Variants in GPATCH2 observed in about 807,000 individuals in gnomAD.
GPATCH2 encodes the protein G patch domain-containing protein 2.
GPATCH2 carries 51 observed loss-of-function variants against 58.0 expected under a neutral mutation model. That is an observed-to-expected ratio of 0.88 (90% CI 0.70 to 1.11). The LOEUF (loss-of-function observed/expected upper bound fraction) is 1.11. Ranked by LOEUF, GPATCH2 falls within the 50% of genes most tolerant of loss-of-function variation. The pLI, the probability that GPATCH2 is intolerant of heterozygous loss-of-function variation, is 0.00. For missense variants in GPATCH2, 625 were observed against 652.2 expected, an observed-to-expected ratio of 0.96 and a Z score of 0.45; for synonymous variants, 222 against 218.5, an observed-to-expected ratio of 1.02 and a Z score of -0.14.
At position 217,430,047 on chromosome 1, in the gene GPATCH2, T is replaced by C. The variant is rs1258661437; in HGVS notation, c.*1098A>G. The C allele has an allele frequency of 6.6e-6, 1 of 152,140 alleles. No homozygotes were observed. The highest frequency in any genetic ancestry group is 2.4e-5 in the African/African-American group (1 of 41,440). The allele number at this position is 152,140 out of a possible 1,614,324, so 9.4% of individuals were successfully genotyped here. ...ACTAAAAGCAATTTAGAATTTCTGA[T>C]ACTATGAAGCAAATGACTCAGAAAC... On this transcript the variant is annotated 3_prime_UTR_variant, in exon 10 of 10. Coordinates refer to ENST00000366935, the MANE Select transcript of GPATCH2 (RefSeq NM_018040.5).
chr1:217,580,323 A>G (rs373742222), intron 5 of GPATCH2, among the ~76,000 whole-genome samples: 1 of 152,204 alleles, frequency 6.6e-6, no homozygotes, highest in African/African-American at 2.4e-5. Flanking sequence ...GGGGAAAAAG[A>G]TGTATATGAG....
chr1:217,449,495 T>C (rs1481217707), intron 8 of GPATCH2, among the ~76,000 whole-genome samples, 158 bp from the exon 9 acceptor site: 1 of 152,206 alleles, frequency 6.6e-6, no homozygotes, highest in African/African-American at 2.4e-5. Context: ...ATAATTACAT[T>C]TGTTGACAAG....
intron 5 of GPATCH2, among the ~76,000 whole-genome samples, chr1:217,533,475 AAG>A (rs1664304580): frequency 6.6e-6 from 1 of 152,188 alleles, no homozygotes; most frequent in Non-Finnish European, 1.5e-5. Flanking sequence ...GACCCACTGA[AAG>A]AGTCTCAGGG....
chr1:217,499,567 T>C (rs1241356464), intron 6 of GPATCH2, among the ~76,000 whole-genome samples: 1 of 152,128 alleles, frequency 6.6e-6, no homozygotes, highest in Non-Finnish European at 1.5e-5. Flanking sequence ...AGCTCATAGA[T>C]AGTGATAGTG....
At chr1:217,608,697 A>T (rs1668478989) in intron 5 of GPATCH2, 1 of 983,966 alleles carries the variant, frequency 1.0e-6, no homozygotes, top group South Asian at 4.7e-5. Flanking sequence ...TGACTTATTC[A>T]GATCTAAAAG....
rs527666829 is a variant in GPATCH2 at position 217,544,356 on chromosome 1, G to C, written c.1099-29467C>G. On this transcript the variant is annotated intron_variant, in intron 5 of 9. Coordinates refer to ENST00000366935, the MANE Select transcript of GPATCH2 (RefSeq NM_018040.5). ...TGCAGTGAGCCAAGATCGCACCACT[G>C]CACTCCAGCCTGAGCAACAGAACTA... 1.4e-3 allele frequency among the ~76,000 whole-genome samples: 215 copies of C among 152,076 alleles called. 1 individual carries two copies. Among genetic ancestry groups the C allele is most frequent in the African/African-American group, 4.8e-3 (198 of 41,368 alleles).
chr1:217,567,414 T>C (rs371699719), intron 5 of GPATCH2, among the ~76,000 whole-genome samples: 4 of 152,238 alleles, frequency 2.6e-5, no homozygotes, highest in African/African-American at 9.6e-5. Flanking sequence ...AATTCATGAT[T>C]AGCATTACCA....
intron 7 of GPATCH2, among the ~76,000 whole-genome samples, chr1:217,495,658 C>T (rs1661969492): frequency 2.0e-5 from 3 of 152,214 alleles, no homozygotes; most frequent in Admixed American, 2.0e-4. Context: ...TCGTGGCCTT[C>T]ATAGTGCCTT....
intron 8 of GPATCH2, among the ~76,000 whole-genome samples, chr1:217,452,553 C>T (rs1558402175): frequency 6.6e-6 from 1 of 152,122 alleles, no homozygotes; most frequent in South Asian, 2.1e-4. Context: ...AAATAACTCT[C>T]CCAAGTCAAT....
intron 9 of GPATCH2, among the ~76,000 whole-genome samples, chr1:217,448,249 T>G (rs1366019231): frequency 2.6e-5 from 4 of 152,186 alleles, no homozygotes; most frequent in Non-Finnish European, 4.4e-5. Flanking sequence ...GGAATCTTAT[T>G]TTCATAGTCT....
intron 5 of GPATCH2, among the ~76,000 whole-genome samples, chr1:217,550,002 C>A (rs1665268786): frequency 1.3e-5 from 2 of 152,116 alleles, no homozygotes; most frequent in Non-Finnish European, 2.9e-5. Flanking sequence ...TAAGGAATAA[C>A]TGTCTATTCA....
intron 5 of GPATCH2, among the ~76,000 whole-genome samples, chr1:217,548,825 C>G (rs542267121): frequency 6.6e-6 from 1 of 152,216 alleles, no homozygotes; most frequent in East Asian, 1.9e-4. Flanking sequence ...TAAAGAGGTG[C>G]CTTCCGCCAT....
intron 6 of GPATCH2, among the ~76,000 whole-genome samples, chr1:217,505,372 T>C (rs988885843): frequency 2.0e-5 from 3 of 150,388 alleles, no homozygotes; most frequent in Non-Finnish European, 1.5e-5. Flanking sequence ...TAGAAATAAT[T>C]TTTTTTTTAA....
intron 9 of GPATCH2, among the ~76,000 whole-genome samples, chr1:217,436,444 T>C (rs964562464): frequency 2.6e-5 from 4 of 152,194 alleles, no homozygotes; most frequent in Non-Finnish European, 2.9e-5. Flanking sequence ...ATTCAAACTT[T>C]GGTTAAGCTT....
At chr1:217,624,041 C>G (rs1035385169) in intron 1 of GPATCH2, among the ~76,000 whole-genome samples, 2 of 152,014 alleles carry the variant, frequency 1.3e-5, no homozygotes, top group Non-Finnish European at 2.9e-5. Flanking sequence ...TGAAAAAATC[C>G]TATAAAAACC....
At chr1:217,476,204 GGAA>G (rs1646309431) in intron 8 of GPATCH2, among the ~76,000 whole-genome samples, 1 of 151,534 alleles carries the variant, frequency 6.6e-6, no homozygotes, top group African/African-American at 2.4e-5. Context: ...TATTTGGTCT[GGAA>G]GAAAAGAGGG....
intron 5 of GPATCH2, among the ~76,000 whole-genome samples, chr1:217,594,912 A>G (rs1314929763): frequency 1.3e-5 from 2 of 152,204 alleles, no homozygotes; most frequent in Admixed American, 6.5e-5. Context: ...AGGATGAAAG[A>G]AAACGCATCC....
chr1:217,522,131 A>C (rs542024431), intron 5 of GPATCH2, among the ~76,000 whole-genome samples: 163 of 152,296 alleles, frequency 1.1e-3, no homozygotes, highest in Admixed American at 1.9e-3. Flanking sequence ...AATTGTTTTA[A>C]ATCTTCATTG....
chr1:217,536,901 G>A (rs1377165480), intron 5 of GPATCH2, among the ~76,000 whole-genome samples: 1 of 152,032 alleles, frequency 6.6e-6, no homozygotes, highest in Non-Finnish European at 1.5e-5. Context: ...CGCTTGAACC[G>A]GCGGAGGGTG....
Sources: gnomAD v4.1 joint callset for allele counts (sites outside exome capture counted in the v4.1 genomes callset) on GRCh38, gnomAD v4.1.1 for gene constraint, MANE v1.5 for transcripts, NCBI Gene and HGNC (gene_info 2026-07-23, HGNC 2026-07-21) for gene names.